KCNQ3: variants seen among roughly 807,000 people sequenced by gnomAD.
The protein encoded by KCNQ3 is potassium voltage-gated channel subfamily KQT member 3.
Under a neutral mutation model 92.5 loss-of-function variants are expected in KCNQ3, and 30 were observed. The observed-to-expected ratio is 0.32, with a 90% CI of 0.24 to 0.44. KCNQ3 has a LOEUF of 0.44. Ranked by LOEUF, KCNQ3 falls within the 20% of genes least tolerant of loss-of-function variation. The pLI, the probability that KCNQ3 is intolerant of heterozygous loss-of-function variation, is 1.00. For synonymous variants in KCNQ3, 450 were observed against 468.8 expected (o/e 0.96, Z 0.52); for missense variants, 913 against 1,140.3 (o/e 0.80, Z 2.87).
chr8:132,455,200 G>A (rs552959030), intron 1 of KCNQ3, among the ~76,000 whole-genome samples: 9 of 152,094 alleles, frequency 5.9e-5, no homozygotes, highest in South Asian at 2.1e-4. Flanking sequence ...TCCACCCCTC[G>A]GGTTCAAGTG....
At chr8:132,392,790 C>CAAAAAAAAAAAAAAA (rs56183412) in intron 1 of KCNQ3, among the ~76,000 whole-genome samples, 31 of 72,640 alleles carry the variant, frequency 4.3e-4, no homozygotes, top group African/African-American at 1.9e-3. Context: ...GAACCTGTCT[C>CAAAAAAAAAAAAAAA]AAAAAAAAAA....
chr8:132,212,928 C>T (rs1244274368), intron 1 of KCNQ3, among the ~76,000 whole-genome samples: 1 of 152,324 alleles, frequency 6.6e-6, no homozygotes, highest in Non-Finnish European at 1.5e-5. Context: ...CTGACACTAC[C>T]CACGGAGCAG....
rs1042281313 is a variant in KCNQ3, at chr8:132,476,915, T to G, written c.386+3232A>C. Among the ~76,000 whole-genome samples, 4 of 152,322 alleles carry G rather than the reference T, an allele frequency of 2.6e-5. No individual in the cohort carries two copies. In the East Asian group the frequency reaches 5.8e-4, roughly 22 times the overall value. Reference sequence around the variant, plus strand: ...GTCTCAAATTATAATACCCACATATTGTGGGAGTCGCCTGGTGGGAGGTGA... The same window carrying G: ...GTCTCAAATTATAATACCCACATATGGTGGGAGTCGCCTGGTGGGAGGTGA... On this transcript the variant is annotated intron_variant, in intron 1 of 14. Transcript: ENST00000388996.
chr8:132,244,444 GGT>G (rs1815096237), intron 1 of KCNQ3, among the ~76,000 whole-genome samples: 1 of 151,104 alleles, frequency 6.6e-6, no homozygotes, highest in Non-Finnish European at 1.5e-5. Flanking sequence ...GAAAGGAGGA[GGT>G]AGTAAAGGCA....
At chr8:132,306,734 T>A (rs1347879092) in intron 1 of KCNQ3, among the ~76,000 whole-genome samples, 1 of 152,172 alleles carries the variant, frequency 6.6e-6, no homozygotes, top group African/African-American at 2.4e-5. Flanking sequence ...CTTAGAAAGA[T>A]CAATATTTAG....
chr8:132,154,208 T>TTTTTTTG (rs1825734102), intron 9 of KCNQ3, among the ~76,000 whole-genome samples: 6 of 142,240 alleles, frequency 4.2e-5, no homozygotes, highest in African/African-American at 1.3e-4. Flanking sequence ...TTTTTTTTTT[T>TTTTTTTG]TTTTTTTTTT....
intron 1 of KCNQ3, among the ~76,000 whole-genome samples, chr8:132,232,851 T>C (rs1814686403): frequency 6.6e-6 from 1 of 152,206 alleles, no homozygotes; most frequent in Admixed American, 6.5e-5. Context: ...GGAAGTCTTT[T>C]GGTTTTTCCT....
intron 1 of KCNQ3, among the ~76,000 whole-genome samples, chr8:132,221,086 G>A (rs1814213203): frequency 6.6e-6 from 1 of 152,160 alleles, no homozygotes; most frequent in South Asian, 2.1e-4. Flanking sequence ...CTGTCCTTGT[G>A]ATAGTTTGCT....
intron 1 of KCNQ3, among the ~76,000 whole-genome samples, chr8:132,391,938 A>T (rs975606839): frequency 6.6e-6 from 1 of 152,074 alleles, no homozygotes; most frequent in Non-Finnish European, 1.5e-5. Context: ...ATAATAATCC[A>T]TCCTAAAGCC....
intron 1 of KCNQ3, among the ~76,000 whole-genome samples, chr8:132,375,001 T>A (rs1276898072): frequency 6.6e-6 from 1 of 152,222 alleles, no homozygotes; most frequent in Non-Finnish European, 1.5e-5. Context: ...TGTGTACATG[T>A]CTTTGTGGTA....
intron 1 of KCNQ3, among the ~76,000 whole-genome samples, chr8:132,231,566 T>G (rs1814649248): frequency 6.6e-6 from 1 of 152,206 alleles, no homozygotes; most frequent in South Asian, 2.1e-4. Flanking sequence ...AGATTGCTTT[T>G]TCTCTACACA....
At chr8:132,179,949 C>T (rs545316182) in intron 4 of KCNQ3, among the ~76,000 whole-genome samples, 1 of 152,200 alleles carries the variant, frequency 6.6e-6, no homozygotes, top group African/African-American at 2.4e-5. Context: ...TCAGTTTCAC[C>T]TGTTCCTGCT....
At chr8:132,422,736 T>A (rs764498856) in intron 1 of KCNQ3, among the ~76,000 whole-genome samples, 1 of 152,194 alleles carries the variant, frequency 6.6e-6, no homozygotes, top group African/African-American at 2.4e-5. Context: ...TCCTAATGCA[T>A]AATTATTTGT....
At chr8:132,284,928 C>T (rs898118359) in intron 1 of KCNQ3, among the ~76,000 whole-genome samples, 1 of 152,224 alleles carries the variant, frequency 6.6e-6, no homozygotes, top group Non-Finnish European at 1.5e-5. Context: ...CACTTGCTTG[C>T]TCTTCAACTT....
chr8:132,374,492 G>A (rs560032136), intron 1 of KCNQ3, among the ~76,000 whole-genome samples: 27 of 152,190 alleles, frequency 1.8e-4, no homozygotes, highest in Non-Finnish European at 3.2e-4. Context: ...TGGCACTTGC[G>A]GCACACACCC....
chr8:132,352,286 C>A (rs1445168772), intron 1 of KCNQ3, among the ~76,000 whole-genome samples: 1 of 152,052 alleles, frequency 6.6e-6, no homozygotes, highest in African/African-American at 2.4e-5. Context: ...GATCTTGACC[C>A]CCCAAGGAGC....
At chr8:132,416,962 C>A (rs1820824076) in intron 1 of KCNQ3, among the ~76,000 whole-genome samples, 1 of 152,136 alleles carries the variant, frequency 6.6e-6, no homozygotes, top group Non-Finnish European at 1.5e-5. Flanking sequence ...GGGGACACGT[C>A]TGAGGGAGCC....
intron 7 of KCNQ3, 91 bp from the exon 8 acceptor site, chr8:132,170,519 T>C (rs1563785433): frequency 2.4e-6 from 2 of 826,016 alleles, no homozygotes; most frequent in Admixed American, 1.9e-5. Context: ...GTTTAAGCCC[T>C]GGACTCCTAA....
At chr8:132,181,520 A>G (rs1398434362) in intron 3 of KCNQ3, among the ~76,000 whole-genome samples, 1 of 152,126 alleles carries the variant, frequency 6.6e-6, no homozygotes, top group Non-Finnish European at 1.5e-5. Flanking sequence ...GTCTTTCCCA[A>G]AATATTTTGA....
Sources: gnomAD v4.1 joint callset for allele counts (sites outside exome capture counted in the v4.1 genomes callset) on GRCh38, gnomAD v4.1.1 for gene constraint, MANE v1.5 for transcripts, NCBI Gene and HGNC (gene_info 2026-07-23, HGNC 2026-07-21) for gene names.